Variants in FAM107B observed in about 807,000 individuals in gnomAD.
FAM107B encodes protein FAM107B.
In FAM107B, 21 loss-of-function variants were observed where a neutral mutation model predicts 31.5. The ratio of observed to expected loss-of-function variants is 0.67; its 90% CI spans 0.47 to 0.96. FAM107B has a LOEUF of 0.96. Ranked by LOEUF, FAM107B falls within the 40% of genes least tolerant of loss-of-function variation. The pLI is 0.00. For synonymous variants in FAM107B, 157 were observed against 141.5 expected (o/e 1.11, Z -0.78); for missense variants, 452 against 377.1 (o/e 1.20, Z -1.64).
intron 2 of FAM107B, among the ~76,000 whole-genome samples, chr10:14,642,802 C>T (rs1476670382): frequency 6.6e-6 from 1 of 152,232 alleles, no homozygotes; most frequent in Non-Finnish European, 1.5e-5. Context: ...AATTTTGTCA[C>T]TCACACATTC....
chr10:14,635,632 AT>A (rs201146508), intron 2 of FAM107B, among the ~76,000 whole-genome samples: 2 of 150,078 alleles, frequency 1.3e-5, no homozygotes, highest in South Asian at 2.1e-4. Context: ...GTGTTTTTCT[AT>A]TTTTTTTTCT....
chr10:14,750,475 G>C (rs1324776215), intron 1 of FAM107B, among the ~76,000 whole-genome samples: 1 of 152,140 alleles, frequency 6.6e-6, no homozygotes, highest in Non-Finnish European at 1.5e-5. Context: ...AGCTGGGCGG[G>C]ATGGTGCACA....
intron 2 of FAM107B, among the ~76,000 whole-genome samples, chr10:14,581,021 A>G (rs769993982): frequency 3.0e-4 from 45 of 152,226 alleles, no homozygotes; most frequent in Admixed American, 3.3e-4. Context: ...GAACTAAAGC[A>G]AGTCTCTGCT....
At chr10:14,745,369 T>C (rs1454482896) in intron 1 of FAM107B, among the ~76,000 whole-genome samples, 1 of 152,180 alleles carries the variant, frequency 6.6e-6, no homozygotes, top group Non-Finnish European at 1.5e-5. Context: ...CTCTTGGTTC[T>C]CTAGTTCTTT....
chr10:14,706,952 C>G (rs1287800965), intron 1 of FAM107B, among the ~76,000 whole-genome samples: 2 of 152,016 alleles, frequency 1.3e-5, no homozygotes, highest in African/African-American at 4.8e-5. Flanking sequence ...CGGTGAAACC[C>G]CGTATCTACT....
At chr10:14,718,610 T>G (rs1178027995) in intron 1 of FAM107B, among the ~76,000 whole-genome samples, 1 of 151,988 alleles carries the variant, frequency 6.6e-6, no homozygotes, top group African/African-American at 2.4e-5. Flanking sequence ...CAGCATGAGT[T>G]AGGTGAGCAG....
At chr10:14,560,027 A>C (rs928112896) in intron 2 of FAM107B, among the ~76,000 whole-genome samples, 2 of 152,056 alleles carry the variant, frequency 1.3e-5, no homozygotes, top group African/African-American at 2.4e-5. Flanking sequence ...TTGCTTCCCC[A>C]ATCTCATTGC....
chr10:14,567,714 G>A (rs1163963774), intron 2 of FAM107B, among the ~76,000 whole-genome samples: 1 of 152,200 alleles, frequency 6.6e-6, no homozygotes, highest in Admixed American at 6.5e-5. Context: ...AGAGGGGTTG[G>A]AAAGGGACCT....
chr10:14,607,039 A>G (rs979840344), intron 2 of FAM107B, among the ~76,000 whole-genome samples: 1 of 152,222 alleles, frequency 6.6e-6, no homozygotes, highest in Admixed American at 6.5e-5. Context: ...TGACTTCTCC[A>G]TACAAAGTAG....
chr10:14,624,440 C>T (rs1853100884), intron 2 of FAM107B, among the ~76,000 whole-genome samples: 1 of 152,038 alleles, frequency 6.6e-6, no homozygotes, highest in African/African-American at 2.4e-5. Flanking sequence ...AATTGGACAC[C>T]AGCTGGCCAA....
At chr10:14,526,480 T>C (rs1171005157) in intron 3 of FAM107B, among the ~76,000 whole-genome samples, 1 of 152,190 alleles carries the variant, frequency 6.6e-6, no homozygotes, top group African/African-American at 2.4e-5. Flanking sequence ...TGGGCCTGAA[T>C]TTCAGCCCTT....
chr10:14,562,641 C>A (rs1850338571), intron 2 of FAM107B, among the ~76,000 whole-genome samples: 1 of 152,238 alleles, frequency 6.6e-6, no homozygotes, highest in East Asian at 1.9e-4. Context: ...TCCTTTACGA[C>A]AATACCACGT....
chr10:14,652,569 C>T (rs1853928643), intron 2 of FAM107B, among the ~76,000 whole-genome samples: 1 of 152,130 alleles, frequency 6.6e-6, no homozygotes. Context: ...GTACTACTTT[C>T]TAGGGCTGTT....
chr10:14,584,701 T>C (rs1318725528), intron 2 of FAM107B, among the ~76,000 whole-genome samples: 2 of 152,184 alleles, frequency 1.3e-5, no homozygotes, highest in African/African-American at 4.8e-5. Context: ...CGATTCACAC[T>C]GACTTCCTAG....
At chr10:14,571,629 A>G (rs774205105) in intron 2 of FAM107B, 1 of 321,156 alleles carries the variant, frequency 3.1e-6, no homozygotes, top group African/African-American at 2.2e-5. Context: ...ACCACTCACT[A>G]TAACAACATA....
At chr10:14,729,064 C>A (rs1440936050) in intron 1 of FAM107B, among the ~76,000 whole-genome samples, 7 of 152,052 alleles carry the variant, frequency 4.6e-5, no homozygotes, top group African/African-American at 1.7e-4. Flanking sequence ...GCATTCATAA[C>A]TCAATGCAGC....
chr10:14,762,392 C>G (rs1588763396), intron 1 of FAM107B, among the ~76,000 whole-genome samples: 3 of 152,202 alleles, frequency 2.0e-5, no homozygotes, highest in Admixed American at 1.3e-4. Context: ...CTAGCGGAAC[C>G]TAAACCAGAG....
intron 3 of FAM107B, among the ~76,000 whole-genome samples, chr10:14,528,784 C>A (rs1397587850): frequency 6.6e-6 from 1 of 152,176 alleles, no homozygotes; most frequent in Non-Finnish European, 1.5e-5. Flanking sequence ...GACTCAACTG[C>A]ACAAATCTGT....
At chr10:14,592,307 G>A (rs1367550714) in intron 2 of FAM107B, among the ~76,000 whole-genome samples, 4 of 152,140 alleles carry the variant, frequency 2.6e-5, no homozygotes, top group East Asian at 1.9e-4. Context: ...CTACTAGTGC[G>A]GAAATGTACA....
Sources: gnomAD v4.1 joint callset for allele counts (sites outside exome capture counted in the v4.1 genomes callset) on GRCh38, gnomAD v4.1.1 for gene constraint, MANE v1.5 for transcripts, NCBI Gene and HGNC (gene_info 2026-07-23, HGNC 2026-07-21) for gene names.